Variants in CNTNAP2 observed in about 807,000 individuals in gnomAD.
CNTNAP2 encodes contactin associated protein 2, also known as contactin-associated protein-like 2.
In CNTNAP2, 98 loss-of-function variants were observed where a neutral mutation model predicts 155.2. The ratio of observed to expected loss-of-function variants is 0.63; its 90% CI spans 0.54 to 0.75. The LOEUF is 0.75. CNTNAP2 is among the 30% of genes least tolerant of loss of function. The probability of loss-of-function intolerance (pLI) is 0.00; values close to 1 mark genes in which losing one functional copy is unlikely to be tolerated. For missense variants in CNTNAP2, 1,727 were observed against 1,688.1 expected (o/e 1.02, Z -0.40); for synonymous variants, 651 against 631.2 (o/e 1.03, Z -0.47).
chr7:147,689,986 G>A (rs1337686133), intron 13 of CNTNAP2, among the ~76,000 whole-genome samples: 1 of 131,260 alleles, frequency 7.6e-6, no homozygotes, highest in African/African-American at 3.4e-5. Flanking sequence ...GAGGAACTAC[G>A]GTGTAGGAAC....
intron 4 of CNTNAP2, among the ~76,000 whole-genome samples, chr7:147,048,135 C>T (rs142105814): frequency 0.025 from 3,278 of 132,378 alleles, 51 homozygotes; most frequent in Middle Eastern, 0.066. Flanking sequence ...AGTGCAGTGG[C>T]GTGATCTCGG....
chr7:147,436,228 G>C (rs1019315513), intron 10 of CNTNAP2, among the ~76,000 whole-genome samples: 1 of 152,014 alleles, frequency 6.6e-6, no homozygotes, highest in Non-Finnish European at 1.5e-5. Flanking sequence ...ATACCAATTA[G>C]GTTAGATACC....
chr7:147,319,961 A>C (rs947484727), intron 9 of CNTNAP2, among the ~76,000 whole-genome samples: 2 of 152,096 alleles, frequency 1.3e-5, no homozygotes, highest in Admixed American at 6.6e-5. Flanking sequence ...TCTCACAACT[A>C]CTCAACTTTG....
chr7:147,011,310 A>C (rs1235682652), intron 3 of CNTNAP2, among the ~76,000 whole-genome samples: 3 of 150,670 alleles, frequency 2.0e-5, no homozygotes, highest in Non-Finnish European at 4.4e-5. Context: ...GGTACTTGGA[A>C]GGCTAAGGTA....
At chr7:146,942,787 A>G (rs1215938551) in intron 3 of CNTNAP2, among the ~76,000 whole-genome samples, 1 of 152,186 alleles carries the variant, frequency 6.6e-6, no homozygotes, top group East Asian at 1.9e-4. Context: ...GCCAATGCCA[A>G]TGTTAATTGT....
intron 11 of CNTNAP2, among the ~76,000 whole-genome samples, chr7:147,525,417 G>A (rs1799300993): frequency 6.6e-6 from 1 of 152,060 alleles, no homozygotes; most frequent in African/African-American, 2.4e-5. Flanking sequence ...ACAAATATAA[G>A]GAAAGCAATG....
At chr7:148,005,533 C>A (rs1801960743) in intron 15 of CNTNAP2, among the ~76,000 whole-genome samples, 1 of 152,014 alleles carries the variant, frequency 6.6e-6, no homozygotes, top group Non-Finnish European at 1.5e-5. Context: ...GTGGGGTCTG[C>A]TCACCGGCCC....
intron 1 of CNTNAP2, among the ~76,000 whole-genome samples, chr7:146,702,024 G>C (rs1394124549): frequency 6.6e-6 from 1 of 152,138 alleles, no homozygotes; most frequent in African/African-American, 2.4e-5. Context: ...AAGACATGCA[G>C]CTATATTGTA....
intron 8 of CNTNAP2, among the ~76,000 whole-genome samples, chr7:147,233,174 A>G (rs573002659): frequency 2.0e-5 from 3 of 152,326 alleles, no homozygotes; most frequent in African/African-American, 4.8e-5. Flanking sequence ...GGAGAACAAA[A>G]TAACTCAGGA....
At chr7:148,352,356 T>G (rs1396513210) in intron 21 of CNTNAP2, among the ~76,000 whole-genome samples, 1 of 152,166 alleles carries the variant, frequency 6.6e-6, no homozygotes, top group Non-Finnish European at 1.5e-5. Flanking sequence ...AATTGTAGCT[T>G]TAGAGTATTA....
chr7:146,139,069 G>T (rs1382241544), intron 1 of CNTNAP2, among the ~76,000 whole-genome samples: 1 of 152,028 alleles, frequency 6.6e-6, no homozygotes. Flanking sequence ...CTTAAAACAA[G>T]GCAAAATCAT....
intron 1 of CNTNAP2, among the ~76,000 whole-genome samples, chr7:146,500,032 G>A (rs1797277559): frequency 1.3e-5 from 2 of 152,002 alleles, no homozygotes; most frequent in South Asian, 2.1e-4. Flanking sequence ...TTTATTGCTA[G>A]TGTTTTTTTA....
intron 21 of CNTNAP2, among the ~76,000 whole-genome samples, chr7:148,355,166 CTTTTTTTTTTTTT>C (rs1167992306): frequency 1.7e-4 from 7 of 41,028 alleles, no homozygotes; most frequent in East Asian, 8.1e-4. Context: ...CCGCCAGCTG[CTTTTTTTTTTTTT>C]TTTTTTTTTT....
intron 2 of CNTNAP2, among the ~76,000 whole-genome samples, chr7:146,834,455 T>A (rs1021707880): frequency 2.0e-5 from 3 of 151,772 alleles, no homozygotes; most frequent in African/African-American, 7.3e-5. Flanking sequence ...GGGAGGAATA[T>A]CTGTGTATGT....
At chr7:148,303,562 G>C (rs1104853) in intron 21 of CNTNAP2, among the ~76,000 whole-genome samples, 55,930 of 152,110 alleles carry the variant, frequency 0.37, 11,243 homozygotes, top group African/African-American at 0.54. Flanking sequence ...TACATACTAA[G>C]CTGAGAATGC....
intron 18 of CNTNAP2, among the ~76,000 whole-genome samples, chr7:148,209,102 A>G (rs1244263672): frequency 6.6e-6 from 1 of 152,036 alleles, no homozygotes; most frequent in Non-Finnish European, 1.5e-5. Flanking sequence ...ACACAAAGGC[A>G]CCTCAAACTT....
At chr7:146,262,106 C>T (rs1386782336) in intron 1 of CNTNAP2, among the ~76,000 whole-genome samples, 1 of 152,186 alleles carries the variant, frequency 6.6e-6, no homozygotes, top group Admixed American at 6.5e-5. Context: ...TGCCACTCAG[C>T]CATTTCATTT....
intron 1 of CNTNAP2, among the ~76,000 whole-genome samples, chr7:146,742,909 A>G (rs112615374): frequency 0.022 from 3,393 of 152,312 alleles, 65 homozygotes; most frequent in Middle Eastern, 0.058. Flanking sequence ...ATTCTCATAG[A>G]TTCCATAAAG....
intron 1 of CNTNAP2, among the ~76,000 whole-genome samples, chr7:146,431,305 TA>T (rs1380881764): frequency 6.6e-6 from 1 of 152,054 alleles, no homozygotes; most frequent in Non-Finnish European, 1.5e-5. Flanking sequence ...ATTCTCTTCT[TA>T]AATGTCTTCA....
Sources: allele counts gnomAD v4.1 joint callset (sites outside exome capture counted in the v4.1 genomes callset), GRCh38; gene constraint gnomAD v4.1.1; transcripts MANE v1.5; gene names NCBI Gene and HGNC (gene_info 2026-07-23, HGNC 2026-07-21).